DCAF7: variants seen among roughly 807,000 people sequenced by gnomAD.
DCAF7 encodes DDB1 and CUL4 associated factor 7, also known as DDB1- and CUL4-associated factor 7.
In DCAF7, 4 loss-of-function variants were observed where a neutral mutation model predicts 41.2. The ratio of observed to expected loss-of-function variants is 0.10; its 90% confidence interval spans 0.05 to 0.22. The LOEUF (loss-of-function observed/expected upper bound fraction) is 0.22, where lower values mean the gene tolerates loss of function less well. DCAF7 is among the 10% of genes least tolerant of loss of function. DCAF7 has a pLI of 1.00. For synonymous variants in DCAF7, 143 were observed against 164.2 expected (o/e 0.87, Z 0.99); for missense variants, 131 against 443.2 (o/e 0.30, Z 6.32).
intron 1 of DCAF7, among the ~76,000 whole-genome samples, chr17:63,568,178 A>T (rs1329744927): frequency 2.0e-5 from 3 of 151,434 alleles, no homozygotes; most frequent in Non-Finnish European, 4.4e-5. Flanking sequence ...GCACCACCTC[A>T]CCCAGCTAAT....
chr17:63,580,041 A>G (rs2147774748), intron 4 of DCAF7, 98 bp downstream of exon 4: 1 of 850,554 alleles, frequency 1.2e-6, no homozygotes, highest in Non-Finnish European at 1.9e-6. Context: ...CAATTTATGT[A>G]GAAAATCATA....
chr17:63,556,073 A>G (rs73332072), intron 1 of DCAF7, among the ~76,000 whole-genome samples: 1,824 of 152,336 alleles, frequency 0.012, 35 homozygotes, highest in African/African-American at 0.042. Context: ...GCTTGAAGAG[A>G]AAGCAAATAG....
chr17:63,576,920 C>G (rs1208599603), intron 1 of DCAF7, among the ~76,000 whole-genome samples: 2 of 152,128 alleles, frequency 1.3e-5, no homozygotes, highest in South Asian at 2.1e-4. Context: ...TCTCAACAAC[C>G]CAAAATTATA....
At chr17:63,561,675 G>A (rs904002984) in intron 1 of DCAF7, among the ~76,000 whole-genome samples, 3 of 152,168 alleles carry the variant, frequency 2.0e-5, no homozygotes, top group Admixed American at 6.5e-5. Flanking sequence ...AGCCTAGATC[G>A]AGCCACTGTA....
chr17:63,551,488 G>A (rs2033254367), intron 1 of DCAF7, among the ~76,000 whole-genome samples: 1 of 152,286 alleles, frequency 6.6e-6, no homozygotes. Context: ...TTTCGTGCTA[G>A]TACAGTTGTG....
chr17:63,559,574 G>T (rs1291680944), intron 1 of DCAF7, among the ~76,000 whole-genome samples: 1 of 151,268 alleles, frequency 6.6e-6, no homozygotes, highest in Admixed American at 6.6e-5. Flanking sequence ...GGCTGAGGCG[G>T]GTGGATCGCC....
intron 1 of DCAF7, among the ~76,000 whole-genome samples, chr17:63,571,860 T>G (rs528025703): frequency 4.7e-4 from 71 of 152,010 alleles, no homozygotes; most frequent in Non-Finnish European, 7.4e-4. Flanking sequence ...TGACACTTAC[T>G]GAATCAGAAT....
At chr17:63,565,847 T>C (rs1380518204) in intron 1 of DCAF7, among the ~76,000 whole-genome samples, 2 of 152,218 alleles carry the variant, frequency 1.3e-5, no homozygotes, top group South Asian at 4.1e-4. Context: ...ACGCCTGTAA[T>C]CTCAGCACTT....
intron 1 of DCAF7, among the ~76,000 whole-genome samples, chr17:63,563,574 T>C (rs2033406669): frequency 6.6e-6 from 1 of 152,112 alleles, no homozygotes; most frequent in Non-Finnish European, 1.5e-5. Context: ...GCGTGGTGGC[T>C]CATGCCTGTA....
rs750210418 is a variant in DCAF7, at chr17:63,590,858, A to C, written c.*1686A>C. Reference sequence around the variant, plus strand: ...TTTTTGGTTAAGTCTTCCTTTTCAGAAGTAGATGTCATTATATGCCAAAAG... The same window carrying C: ...TTTTTGGTTAAGTCTTCCTTTTCAGCAGTAGATGTCATTATATGCCAAAAG... On this transcript the variant is annotated 3_prime_UTR_variant, in exon 7 of 7. Transcript: ENST00000614556. The C allele has an allele frequency of 6.6e-6, 1 of 152,154 alleles. No homozygotes were observed. Among genetic ancestry groups the C allele is most frequent in the Non-Finnish European group, 1.5e-5 (1 of 68,028 alleles). The allele number at this position is 152,154 out of a possible 1,614,324, so 9.4% of individuals were successfully genotyped here. A position where few individuals can be genotyped will look rare whatever the true frequency, so the allele number is the denominator to read the frequency against.
intron 1 of DCAF7, among the ~76,000 whole-genome samples, chr17:63,576,891 G>A (rs556460931): frequency 6.6e-6 from 1 of 152,358 alleles, no homozygotes; most frequent in South Asian, 2.1e-4. Flanking sequence ...TCGAACCAGT[G>A]CAACAGAGTG....
At chr17:63,582,005 C>T (rs972754025) in intron 4 of DCAF7, among the ~76,000 whole-genome samples, 1 of 152,164 alleles carries the variant, frequency 6.6e-6, no homozygotes. Context: ...CTCAGCCACG[C>T]TGCCCATGGC....
chr17:63,559,488 A>G lies in DCAF7; in HGVS notation c.138+8673A>G, dbSNP rs188506163. On this transcript the variant is annotated intron_variant, in intron 1 of 6. Transcript: ENST00000614556. ...AATAATTGGTATTGAAACCAGAAAA[A>G]AAAATTGGATCTCTACCTTAAGCTT... Among the ~76,000 whole-genome samples, 110 of 147,538 alleles carry G rather than the reference A, an allele frequency of 7.5e-4. 2 individuals carry two copies. The East Asian group carries it at 0.02, about 27-fold the overall frequency.
In DCAF7 at chr17:63,550,822, C is replaced by T; in HGVS notation, c.138+7C>T. Reference sequence around the variant, plus strand: ...GGAGGAGTACAACAACAAGGTGGGCCGGGCAGGGGCTCGGAACCCAGCTGG... The same window carrying T: ...GGAGGAGTACAACAACAAGGTGGGCTGGGCAGGGGCTCGGAACCCAGCTGG... On this transcript the variant is annotated splice_region_variant and intron_variant, in intron 1 of 6. Coordinates refer to ENST00000614556, the MANE Select transcript of DCAF7 (RefSeq NM_005828.5). This position sits in a 1 kb window ranked among gnomAD's most constrained non-coding sequence, Gnocchi z 4.8. The T allele has an allele frequency of 6.2e-7, 1 of 1,612,098 alleles. No individual in the cohort carries two copies. The highest frequency in any genetic ancestry group is 1.3e-5 in the African/African-American group (1 of 75,042).
chr17:63,572,825 T>TG (rs1395759387), intron 1 of DCAF7, among the ~76,000 whole-genome samples: 2 of 152,200 alleles, frequency 1.3e-5, no homozygotes, highest in Non-Finnish European at 2.9e-5. Flanking sequence ...TGTGGTGGCA[T>TG]GATCTCAGCT....
intron 3 of DCAF7, 148 bp from the exon 4 acceptor site, chr17:63,579,677 T>C: frequency 1.4e-6 from 1 of 717,130 alleles, no homozygotes. Context: ...CTTGACTGCC[T>C]CGGTGGCTCT....
At position 63,579,922 on chromosome 17, in the gene DCAF7, G is replaced by A. The variant is rs35367480; in HGVS notation, c.507G>A (p.Gln169=). Residue 169 remains glutamine (Q), a synonymous_variant, in exon 4 of 7, where the codon CAG becomes CAA. Transcript: ENST00000614556. ...VNLVSGHVKT[Q]LIAHDKEVYD... ...TCGTGTCTGGCCACGTGAAGACCCAGCTGATCGCCCATGACAAAGAGGTAA... is the reference window on the plus strand; with the variant it reads ...TCGTGTCTGGCCACGTGAAGACCCAACTGATCGCCCATGACAAAGAGGTAA... 2.8e-3 allele frequency: 4,574 copies of A among 1,613,774 alleles called. 102 individuals carry two copies. In the African/African-American group the frequency reaches 0.05, roughly 18 times the overall value.
At chr17:63,579,513 C>A in intron 3 of DCAF7, 65 bp downstream of exon 3, 2 of 1,203,150 alleles carry the variant, frequency 1.7e-6, no homozygotes, top group Non-Finnish European at 2.4e-6. Context: ...TCAGATGTCA[C>A]ACTGGGCCAT....
intron 4 of DCAF7, among the ~76,000 whole-genome samples, chr17:63,581,981 G>A (rs2033627165): frequency 6.6e-6 from 1 of 152,162 alleles, no homozygotes; most frequent in Non-Finnish European, 1.5e-5. Context: ...TTAGAGCCGA[G>A]AGAGCATTAC....
Sources: gnomAD v4.1 joint callset for allele counts (sites outside exome capture counted in the v4.1 genomes callset) on GRCh38, gnomAD v4.1.1 for gene constraint, Gnocchi (gnomAD v3.1) non-coding constraint, MANE v1.5 for transcripts, NCBI Gene and HGNC (gene_info 2026-07-23, HGNC 2026-07-21) for gene names.